The following CTNNA2 variants were observed in gnomAD, a reference collection of about 807,000 sequenced individuals.
CTNNA2 encodes the protein catenin alpha 2, also known as catenin alpha-2.
In CTNNA2, 42 loss-of-function variants were observed where a neutral mutation model predicts 101.0. The ratio of observed to expected loss-of-function variants is 0.42; its 90% CI spans 0.32 to 0.54. The LOEUF (loss-of-function observed/expected upper bound fraction) is 0.54, where lower values mean the gene tolerates loss of function less well. CTNNA2 is among the 20% of genes least tolerant of loss of function. The probability of loss-of-function intolerance (pLI) is 0.14; values close to 1 mark genes in which losing one functional copy is unlikely to be tolerated. For missense variants in CTNNA2, 871 were observed against 1,223.1 expected, an observed-to-expected ratio of 0.71 and a Z score of 4.29; for synonymous variants, 450 against 456.4, an observed-to-expected ratio of 0.99 and a Z score of 0.18.
At chr2:79,450,045 A>G (rs1419968365) in intron 4 of CTNNA2, among the ~76,000 whole-genome samples, 1 of 151,962 alleles carries the variant, frequency 6.6e-6, no homozygotes, top group African/African-American at 2.4e-5. Flanking sequence ...TCCATGAGAG[A>G]TGTCTGAGAC....
chr2:79,723,969 T>C (rs182846631), intron 2 of CTNNA2, among the ~76,000 whole-genome samples: 1 of 152,294 alleles, frequency 6.6e-6, no homozygotes, highest in East Asian at 1.9e-4. Flanking sequence ...TTGCGTCTGA[T>C]GCACATATTG....
chr2:80,440,635 A>G (rs1302427851), intron 9 of CTNNA2, among the ~76,000 whole-genome samples: 2 of 137,950 alleles, frequency 1.4e-5, no homozygotes, highest in Non-Finnish European at 3.0e-5. Context: ...AAGTTGATGA[A>G]GGATAAAGAA....
At chr2:79,443,903 ACTCTCTCTCTCTCTCT>A (rs3979544) in intron 4 of CTNNA2, among the ~76,000 whole-genome samples, 8 of 141,910 alleles carry the variant, frequency 5.6e-5, no homozygotes, top group East Asian at 4.5e-4. Flanking sequence ...TTGTATACAT[ACTCTCTCTCTCTCTCT>A]CTCTCTCTCT....
At chr2:79,870,693 T>C (rs1481447447) in intron 5 of CTNNA2, among the ~76,000 whole-genome samples, 1 of 152,056 alleles carries the variant, frequency 6.6e-6, no homozygotes, top group East Asian at 1.9e-4. Flanking sequence ...CTTACAATCA[T>C]GGTGGAAGGG....
chr2:79,543,558 A>T (rs945447619), intron 1 of CTNNA2, among the ~76,000 whole-genome samples: 10 of 152,260 alleles, frequency 6.6e-5, no homozygotes, highest in African/African-American at 1.9e-4. Flanking sequence ...TTTCAATCTG[A>T]CAACTTTTTT....
intron 9 of CTNNA2, among the ~76,000 whole-genome samples, chr2:80,512,190 A>G (rs1688761210): frequency 6.6e-6 from 1 of 151,054 alleles, no homozygotes; most frequent in African/African-American, 2.4e-5. Context: ...ATGGGAAACC[A>G]TAATGGTGAC....
intron 2 of CTNNA2, among the ~76,000 whole-genome samples, chr2:79,689,262 T>C (rs1016494000): frequency 6.6e-6 from 1 of 151,746 alleles, no homozygotes; most frequent in African/African-American, 2.4e-5. Flanking sequence ...ATCGACAGAG[T>C]TGTCACAGAT....
At chr2:80,090,144 C>A (rs199804960) in intron 7 of CTNNA2, among the ~76,000 whole-genome samples, 1 of 86,664 alleles carries the variant, frequency 1.2e-5, no homozygotes, top group Non-Finnish European at 2.2e-5. Flanking sequence ...CTCTCTCTCT[C>A]TCTGTGTGTG....
chr2:80,276,301 A>G (rs1425104536), intron 7 of CTNNA2, among the ~76,000 whole-genome samples: 1 of 152,140 alleles, frequency 6.6e-6, no homozygotes, highest in Non-Finnish European at 1.5e-5. Flanking sequence ...CCCACTTCAG[A>G]TGCCAGACAT....
intron 4 of CTNNA2, among the ~76,000 whole-genome samples, chr2:79,407,084 T>G (rs1367264817): frequency 6.6e-6 from 1 of 152,050 alleles, no homozygotes; most frequent in African/African-American, 2.4e-5. Flanking sequence ...CATTTATTTA[T>G]TCCGTCCCAA....
chr2:79,374,266 C>T (rs6710215), intron 4 of CTNNA2, among the ~76,000 whole-genome samples: 44,166 of 151,956 alleles, frequency 0.29, 6,556 homozygotes, highest in African/African-American at 0.33. Flanking sequence ...GTCTCTAACC[C>T]TCTTGTTTTC....
At position 79,744,458 on chromosome 2, in the gene CTNNA2, T is replaced by G; in HGVS notation, c.174T>G (p.His58Gln). ...AGAAAGGGAGGTCAAAGAAAGCCCA[T>G]GTACTAGCTGCCTCTGTAGAGCAAG... ...GKKKGRSKKAHVLAASVEQAT... is the reference protein window; with the variant it reads ...GKKKGRSKKAQVLAASVEQAT... Residue 58 changes from histidine to glutamine, a missense_variant, in exon 3 of 19, where the codon CAT becomes CAG. By Grantham distance (24) the His-to-Gln change is conservative. This residue lies in a region of CTNNA2 where 647 missense variants were observed against 831.5 expected (regional missense o/e 0.78). Coordinates refer to ENST00000402739, the MANE Select transcript of CTNNA2 (RefSeq NM_001282597.3). 6.2e-7 allele frequency: 1 copy of G among 1,614,102 alleles called. No individual in the cohort carries two copies. Among genetic ancestry groups the G allele is most frequent in the Non-Finnish European group, 8.5e-7 (1 of 1,180,004 alleles).
At chr2:79,871,814 A>C (rs1390986459) in intron 5 of CTNNA2, among the ~76,000 whole-genome samples, 1 of 152,232 alleles carries the variant, frequency 6.6e-6, no homozygotes, top group Admixed American at 6.5e-5. Context: ...ATAGAAGAGA[A>C]GTGTTGCCTG....
intron 1 of CTNNA2, among the ~76,000 whole-genome samples, chr2:79,601,676 A>C (rs1439142785): frequency 2.0e-5 from 3 of 152,404 alleles, no homozygotes; most frequent in Admixed American, 6.5e-5. Flanking sequence ...CGTGTTAAGC[A>C]TAACACTGGT....
At chr2:80,177,090 A>G (rs1410163352) in intron 7 of CTNNA2, among the ~76,000 whole-genome samples, 1 of 152,184 alleles carries the variant, frequency 6.6e-6, no homozygotes, top group Non-Finnish European at 1.5e-5. Context: ...TCAAAAGGCC[A>G]TTTTACCATT....
At chr2:79,770,973 A>C (rs146509708) in intron 3 of CTNNA2, among the ~76,000 whole-genome samples, 3 of 152,346 alleles carry the variant, frequency 2.0e-5, no homozygotes, top group East Asian at 3.9e-4. Flanking sequence ...GTTAGTGGCA[A>C]ATCAGGAATT....
At chr2:79,389,445 A>C (rs1678142021) in intron 4 of CTNNA2, among the ~76,000 whole-genome samples, 1 of 152,196 alleles carries the variant, frequency 6.6e-6, no homozygotes, top group South Asian at 2.1e-4. Flanking sequence ...TGCAGCACTA[A>C]GCAATGTTCA....
At chr2:80,561,217 A>G (rs556221452) in intron 12 of CTNNA2, among the ~76,000 whole-genome samples, 1 of 152,292 alleles carries the variant, frequency 6.6e-6, no homozygotes, top group South Asian at 2.1e-4. Flanking sequence ...CAAACTATTA[A>G]GTATTAGAGA....
chr2:79,447,374 TA>T (rs1678846043), intron 4 of CTNNA2, among the ~76,000 whole-genome samples: 1 of 152,032 alleles, frequency 6.6e-6, no homozygotes, highest in Admixed American at 6.6e-5. Flanking sequence ...TTCTGCATAT[TA>T]TCTTCATACT....
Sources: allele counts gnomAD v4.1 joint callset (sites outside exome capture counted in the v4.1 genomes callset), GRCh38; gene constraint gnomAD v4.1.1; regional missense constraint gnomAD v4.1.1; transcripts MANE v1.5; gene names NCBI Gene and HGNC (gene_info 2026-07-23, HGNC 2026-07-21).